The following PCDH15 variants were observed in gnomAD, a reference collection of about 807,000 sequenced individuals.
PCDH15 encodes the protein protocadherin related 15, also known as protocadherin-15.
A neutral mutation model predicts 178.5 loss-of-function variants in PCDH15; 129 were observed. That is an observed-to-expected ratio of 0.72 (90% CI 0.63 to 0.84). The LOEUF (loss-of-function observed/expected upper bound fraction) is 0.84, where lower values mean the gene tolerates loss of function less well. Ranked by LOEUF, PCDH15 falls within the 40% of genes least tolerant of loss-of-function variation. The pLI is 0.00. For synonymous variants in PCDH15, 800 were observed against 732.0 expected (o/e 1.09, Z -1.50); for missense variants, 2,230 against 2,099.9 (o/e 1.06, Z -1.21).
chr10:54,362,035 C>A (rs571234094), intron 5 of PCDH15, among the ~76,000 whole-genome samples: 1 of 152,110 alleles, frequency 6.6e-6, no homozygotes, highest in South Asian at 2.1e-4. Flanking sequence ...AATGAACACA[C>A]AAAGTTTGAG....
chr10:53,816,257 G>A lies in PCDH15; in HGVS notation c.4473C>T (p.Pro1491=). ...YGSEQQQLLR[P]SLLKPEELSM... ...TTGATACCTCTGGTTTAAGAAGAGA[G>A]GGCCTCAGCAGTTGCTGTTGCTGTC... is the stretch of plus-strand genomic sequence containing the variant. The change falls in exon 35 of 38, where the codon CCC becomes CCT. Residue 1491 remains proline, a synonymous_variant. Transcript: ENST00000644397. 1 of 398,802 alleles carries A rather than the reference G, an allele frequency of 2.5e-6. No homozygotes were observed. The highest frequency in any genetic ancestry group is 6.3e-4 in the Middle Eastern group (1 of 1,584). 24.7% of individuals were successfully genotyped at this position (398,802 alleles called of 1,614,324 possible).
intron 2 of PCDH15, among the ~76,000 whole-genome samples, chr10:54,903,283 C>T (rs929937268): frequency 6.6e-6 from 1 of 152,048 alleles, no homozygotes; most frequent in African/African-American, 2.4e-5. Flanking sequence ...CATACAATTT[C>T]AAATTTTATT....
intron 3 of PCDH15, among the ~76,000 whole-genome samples, chr10:54,457,128 T>C (rs562910684): frequency 1.5e-4 from 23 of 152,272 alleles, no homozygotes; most frequent in African/African-American, 5.5e-4. Flanking sequence ...AAATCAGCCT[T>C]GCTAAGACTT....
At chr10:55,538,231 T>G (rs1034556204) in intron 2 of PCDH15, among the ~76,000 whole-genome samples, 1 of 152,200 alleles carries the variant, frequency 6.6e-6, no homozygotes, top group African/African-American at 2.4e-5. Flanking sequence ...TCAGTTTTAT[T>G]TGAATACTTA....
intron 26 of PCDH15, among the ~76,000 whole-genome samples, chr10:53,899,309 G>A (rs1190439251): frequency 2.0e-5 from 3 of 151,968 alleles, no homozygotes; most frequent in East Asian, 1.9e-4. Flanking sequence ...TACCACTTCA[G>A]AGCAGATATA....
intron 2 of PCDH15, among the ~76,000 whole-genome samples, chr10:54,561,852 A>T (rs1490504650): frequency 6.6e-6 from 1 of 150,608 alleles, no homozygotes; most frequent in East Asian, 1.9e-4. Context: ...TATTATTATT[A>T]TTTCTATTTT....
At chr10:53,960,358 T>C (rs1361450541) in intron 22 of PCDH15, among the ~76,000 whole-genome samples, 3 of 152,202 alleles carry the variant, frequency 2.0e-5, no homozygotes, top group Non-Finnish European at 4.4e-5. Flanking sequence ...GAGGATAAAA[T>C]TGGAAATCTT....
intron 3 of PCDH15, among the ~76,000 whole-genome samples, chr10:54,454,498 TTAA>T (rs933991508): frequency 1.5e-4 from 23 of 150,262 alleles, no homozygotes; most frequent in Non-Finnish European, 3.4e-4. Context: ...TTAATAAATA[TTAA>T]TAAGCATCTT....
intron 2 of PCDH15, among the ~76,000 whole-genome samples, chr10:54,650,992 G>A (rs1010148278): frequency 6.6e-6 from 1 of 152,034 alleles, no homozygotes; most frequent in African/African-American, 2.4e-5. Context: ...ATATGAGAAG[G>A]CACTAAATAC....
At chr10:55,138,312 TTGTAGACATTGA>T (rs1838258535) in intron 2 of PCDH15, among the ~76,000 whole-genome samples, 2 of 152,188 alleles carry the variant, frequency 1.3e-5, no homozygotes, top group South Asian at 4.1e-4. Flanking sequence ...TACCCTCTAC[TTGTAGACATTGA>T]GATTTTCTAT....
rs764714700 is a variant in PCDH15, at chr10:55,519,026, C to T, written c.-156+108599G>A. ...GAAGAATCACTTGAACCAGGGAAGCCGAGATTGCATTTAATGGAGATTGCA... is the reference window on the plus strand; with the variant it reads ...GAAGAATCACTTGAACCAGGGAAGCTGAGATTGCATTTAATGGAGATTGCA... On this transcript the variant is annotated intron_variant, in intron 2 of 5. Coordinates refer to the PCDH15 transcript ENST00000613346. 1.0e-4 allele frequency among the ~76,000 whole-genome samples: 15 copies of T among 143,572 alleles called. No individual in the cohort carries two copies. In the South Asian group the frequency reaches 1.4e-3, roughly 13 times the overall value. The allele number at this position is 143,572 out of a possible 152,430, so 94.2% of individuals were successfully genotyped here.
In PCDH15 at chr10:54,784,831, T is replaced by G. The variant is rs7088338; in HGVS notation, c.-29+16094A>C. Among the ~76,000 whole-genome samples the G allele has an allele frequency of 5.8e-3, 878 of 152,190 alleles. 12 individuals are homozygous for G. The highest frequency in any genetic ancestry group is 0.02 in the African/African-American group (848 of 41,536). ...TTGTTTATATCTTTATACATGCTGG[T>G]TTTGGTCTTGAATAATCTGAAGATG... On this transcript the variant is annotated intron_variant, in intron 1 of 37. Coordinates refer to ENST00000644397, the MANE Select transcript of PCDH15 (RefSeq NM_001384140.1).
At position 53,809,662 on chromosome 10, in the gene PCDH15, A is replaced by G. The variant is rs2075796587; in HGVS notation, c.4671+894T>C. On this transcript the variant is annotated intron_variant, in intron 37 of 37. Transcript: ENST00000644397. ...TGGGTGATAGCTTCATGCATGTTATATAACTGGCTTAAGAAAATAATCACA... is the reference window on the plus strand; with the variant it reads ...TGGGTGATAGCTTCATGCATGTTATGTAACTGGCTTAAGAAAATAATCACA... The G allele has an allele frequency of 3.1e-6, 3 of 967,050 alleles. No individual in the cohort carries two copies. The Admixed American group carries it at 6.9e-5, about 22-fold the overall frequency. 59.9% of individuals were successfully genotyped at this position (967,050 alleles called of 1,614,324 possible).
chr10:54,827,796 C>A (rs1953155716), intron 3 of PCDH15, among the ~76,000 whole-genome samples: 1 of 151,962 alleles, frequency 6.6e-6, no homozygotes, highest in South Asian at 2.1e-4. Context: ...GAACATGATG[C>A]CCAACAATGT....
At chr10:54,435,539 T>G (rs1427051974) in intron 3 of PCDH15, among the ~76,000 whole-genome samples, 1 of 152,178 alleles carries the variant, frequency 6.6e-6, no homozygotes, top group Admixed American at 6.5e-5. Context: ...AAATGATTCC[T>G]TATTTTAGAC....
chr10:53,973,337 T>A lies in PCDH15; in HGVS notation c.2869-11445A>T, dbSNP rs917889065. On this transcript the variant is annotated intron_variant, in intron 21 of 37. Coordinates refer to ENST00000644397, the MANE Select transcript of PCDH15 (RefSeq NM_001384140.1). ...GGATAGCATTAGGAGATATACCTAA[T>A]GTAAATCTCGAGTTAATGGGTGCAG... is the stretch of plus-strand genomic sequence containing the variant. 1.4e-4 allele frequency among the ~76,000 whole-genome samples: 21 copies of A among 151,268 alleles called. No homozygotes were observed. The East Asian group carries it at 4.2e-3, about 30-fold the overall frequency.
intron 15 of PCDH15, among the ~76,000 whole-genome samples, chr10:54,109,012 T>A (rs1443899996): frequency 6.6e-6 from 1 of 152,132 alleles, no homozygotes; most frequent in Non-Finnish European, 1.5e-5. Flanking sequence ...CCAGCAGTGA[T>A]ACCCAGGTAG....
intron 16 of PCDH15, among the ~76,000 whole-genome samples, chr10:54,082,174 T>C (rs2094445862): frequency 6.6e-6 from 1 of 152,150 alleles, no homozygotes; most frequent in Admixed American, 6.6e-5. Context: ...TTCTAGTCTG[T>C]CTGGAGACTG....
At chr10:54,088,970 G>A (rs961833758) in intron 16 of PCDH15, among the ~76,000 whole-genome samples, 2 of 152,058 alleles carry the variant, frequency 1.3e-5, no homozygotes, top group East Asian at 3.8e-4. Flanking sequence ...ATTGTAAATT[G>A]TAGCTAATTT....
Sources: allele counts gnomAD v4.1 joint callset (sites outside exome capture counted in the v4.1 genomes callset), GRCh38; gene constraint gnomAD v4.1.1; transcripts MANE v1.5; gene names NCBI Gene and HGNC (gene_info 2026-07-23, HGNC 2026-07-21).